The following TMEM232 variants were observed in gnomAD, a reference collection of about 807,000 sequenced individuals.
TMEM232 encodes the protein transmembrane protein 232.
Under a neutral mutation model 78.8 loss-of-function variants are expected in TMEM232, and 80 were observed. The observed-to-expected ratio is 1.01, with a 90% confidence interval of 0.85 to 1.22. The LOEUF is 1.22. TMEM232 is among the 50% of genes most tolerant of loss of function. The probability of loss-of-function intolerance (pLI) is 0.00; values close to 1 mark genes in which losing one functional copy is unlikely to be tolerated. For synonymous variants in TMEM232, 297 were observed against 254.3 expected, an observed-to-expected ratio of 1.17 and a Z score of -1.60; for missense variants, 881 against 742.2, an observed-to-expected ratio of 1.19 and a Z score of -2.17.
intron 11 of TMEM232, among the ~76,000 whole-genome samples, chr5:110,563,180 G>A (rs1775950478): frequency 6.6e-6 from 1 of 151,924 alleles, no homozygotes; most frequent in African/African-American, 2.4e-5. Context: ...AGCACTGGTA[G>A]TGGTTATGTG....
chr5:110,553,854 G>C (rs1774752396), intron 11 of TMEM232, among the ~76,000 whole-genome samples: 1 of 152,076 alleles, frequency 6.6e-6, no homozygotes, highest in Non-Finnish European at 1.5e-5. Context: ...CTGTGGGTTT[G>C]TCATAGATGA....
intron 12 of TMEM232, among the ~76,000 whole-genome samples, chr5:110,491,916 T>C (rs1765139505): frequency 1.3e-5 from 2 of 151,888 alleles, no homozygotes; most frequent in Non-Finnish European, 2.9e-5. Flanking sequence ...ACTATAACCA[T>C]TATATATCAA....
At chr5:110,424,715 T>C (rs747981634) in intron 13 of TMEM232, 108 bp downstream of exon 13, 35 of 883,960 alleles carry the variant, frequency 4.0e-5, no homozygotes, top group Middle Eastern at 2.8e-4. Flanking sequence ...ATGGCTCTAC[T>C]TTTAAATTTC....
downstream of TMEM232, among the ~76,000 whole-genome samples, chr5:110,416,298 A>T (rs927726443): frequency 2.0e-5 from 3 of 152,248 alleles, no homozygotes; most frequent in African/African-American, 7.2e-5. Context: ...CTACAGAGGC[A>T]TTGGCACAAC....
At chr5:110,678,928 A>G (rs1792367194) in intron 1 of TMEM232, among the ~76,000 whole-genome samples, 1 of 152,220 alleles carries the variant, frequency 6.6e-6, no homozygotes, top group Non-Finnish European at 1.5e-5. Context: ...TATCTACTGA[A>G]GGACATCTTA....
At chr5:110,405,722 G>A in intron 2 of TMEM232, among the ~76,000 whole-genome samples, 1 of 144,114 alleles carries the variant, frequency 6.9e-6, no homozygotes, top group South Asian at 2.2e-4. Context: ...CAAACTGAAG[G>A]ACACAGTTTA....
At chr5:110,489,909 A>C (rs569726324) in intron 12 of TMEM232, among the ~76,000 whole-genome samples, 1 of 152,052 alleles carries the variant, frequency 6.6e-6, no homozygotes, top group African/African-American at 2.4e-5. Flanking sequence ...GCGGATCACA[A>C]GGTCAAGAGA....
At chr5:110,730,085 T>C (rs937165885), upstream of TMEM232, among the ~76,000 whole-genome samples, 3 of 152,228 alleles carry the variant, frequency 2.0e-5, no homozygotes, top group African/African-American at 7.2e-5. Context: ...GATGAAACTA[T>C]TAGTAAGTTA....
chr5:110,662,091 T>C lies in TMEM232; in HGVS notation c.125+5137A>G, dbSNP rs571948036. On this transcript the variant is annotated intron_variant, in intron 2 of 13. Coordinates refer to ENST00000455884, the MANE Select transcript of TMEM232 (RefSeq NM_001039763.4). Reference sequence around the variant, plus strand: ...TTAGAATATTCCTTTTAAGTCAATATTGAGACAAAGATATTCAGAATTAAT... The same window carrying C: ...TTAGAATATTCCTTTTAAGTCAATACTGAGACAAAGATATTCAGAATTAAT... Among the ~76,000 whole-genome samples the C allele has an allele frequency of 3.7e-4, 57 of 152,292 alleles. 1 individual carries two copies. The South Asian group carries it at 0.011, about 30-fold the overall frequency.
intron 10 of TMEM232, among the ~76,000 whole-genome samples, chr5:110,571,635 G>C (rs1776949304): frequency 6.6e-6 from 1 of 151,834 alleles, no homozygotes; most frequent in African/African-American, 2.4e-5. Context: ...ACTAGCTTGG[G>C]CAAAATACCG....
intron 5 of TMEM232, among the ~76,000 whole-genome samples, chr5:110,633,718 C>T (rs960746888): frequency 6.6e-6 from 1 of 152,156 alleles, no homozygotes; most frequent in Non-Finnish European, 1.5e-5. Context: ...CCACGCAGAA[C>T]TGTGAGTCAA....
intron 8 of TMEM232, among the ~76,000 whole-genome samples, chr5:110,616,623 C>G (rs959494723): frequency 2.0e-5 from 3 of 151,576 alleles, no homozygotes; most frequent in Non-Finnish European, 2.9e-5. Flanking sequence ...ACAAATAGCC[C>G]AATGAAAAAA....
At chr5:110,615,499 C>T (rs1173251848) in intron 8 of TMEM232, among the ~76,000 whole-genome samples, 3 of 151,830 alleles carry the variant, frequency 2.0e-5, no homozygotes, top group Non-Finnish European at 4.4e-5. Flanking sequence ...CAAAAAAGGT[C>T]ATACATGGCA....
At chr5:110,495,741 CA>C (rs1205346131) in intron 12 of TMEM232, among the ~76,000 whole-genome samples, 1 of 151,256 alleles carries the variant, frequency 6.6e-6, no homozygotes, top group Non-Finnish European at 1.5e-5. Flanking sequence ...TGAAAATAAA[CA>C]AAATGAATGT....
chr5:110,657,995 A>G (rs908514824), intron 2 of TMEM232, among the ~76,000 whole-genome samples: 2 of 152,184 alleles, frequency 1.3e-5, no homozygotes, highest in African/African-American at 4.8e-5. Flanking sequence ...GTACCAGCAG[A>G]ATGAAAGAAA....
At chr5:110,620,172 T>G (rs1306971299) in intron 7 of TMEM232, among the ~76,000 whole-genome samples, 1 of 152,114 alleles carries the variant, frequency 6.6e-6, no homozygotes, top group Non-Finnish European at 1.5e-5. Flanking sequence ...ATTATGCCAA[T>G]TTTACACATC....
At chr5:110,412,451 T>G (rs1756031646) in intron 2 of TMEM232, among the ~76,000 whole-genome samples, 1 of 152,200 alleles carries the variant, frequency 6.6e-6, no homozygotes, top group African/African-American at 2.4e-5. Flanking sequence ...CTATTTCAAT[T>G]TCCACCTTTC....
intron 10 of TMEM232, among the ~76,000 whole-genome samples, chr5:110,569,345 C>T (rs1040706942): frequency 6.6e-6 from 1 of 151,542 alleles, no homozygotes; most frequent in African/African-American, 2.4e-5. Context: ...TATTTCTTAC[C>T]TAGATATTGT....
intron 12 of TMEM232, among the ~76,000 whole-genome samples, chr5:110,496,475 G>A (rs1765655935): frequency 6.6e-6 from 1 of 151,874 alleles, no homozygotes. Flanking sequence ...ATGCCATCGT[G>A]TGGTATAATG....
Sources: allele counts gnomAD v4.1 joint callset (sites outside exome capture counted in the v4.1 genomes callset), GRCh38; gene constraint gnomAD v4.1.1; transcripts MANE v1.5; gene names NCBI Gene and HGNC (gene_info 2026-07-23, HGNC 2026-07-21).